Variants in AP1S1 observed in about 807,000 individuals in gnomAD.
AP1S1 encodes the protein adaptor related protein complex 1 subunit sigma 1.
Under a neutral mutation model 23.9 loss-of-function variants are expected in AP1S1, and 13 were observed. The ratio of observed to expected loss-of-function variants is 0.54; its 90% confidence interval spans 0.35 to 0.86. The LOEUF (loss-of-function observed/expected upper bound fraction) is 0.86, where lower values mean the gene tolerates loss of function less well. Among genes scored for constraint, AP1S1 ranks in the 40% least tolerant of loss-of-function variants. The probability of loss-of-function intolerance (pLI) is 0.01; values close to 1 mark genes in which losing one functional copy is unlikely to be tolerated. For missense variants in AP1S1, 119 were observed against 197.6 expected (o/e 0.60, Z 2.38); for synonymous variants, 84 against 77.7 (o/e 1.08, Z -0.43).
At chr7:101,157,101 G>A (rs1326217440) in intron 2 of AP1S1, among the ~76,000 whole-genome samples, 1 of 152,002 alleles carries the variant, frequency 6.6e-6, no homozygotes, top group Admixed American at 6.6e-5. Context: ...CACCCTTTCC[G>A]GTTCCTTCTC....
chr7:101,156,048 A>G (rs1205511272), intron 1 of AP1S1, among the ~76,000 whole-genome samples: 2 of 152,124 alleles, frequency 1.3e-5, no homozygotes, highest in African/African-American at 2.4e-5. Flanking sequence ...CCTGGCCAAC[A>G]TGGTGAAACC....
In AP1S1 at chr7:101,154,794, C is replaced by A. The variant is rs894355391; in HGVS notation, c.3+277C>A. The A allele has an allele frequency of 1.6e-5, 12 of 770,520 alleles. No homozygotes were observed. In the East Asian group the frequency reaches 3.5e-4, roughly 22 times the overall value. 47.7% of individuals were successfully genotyped at this position (770,520 alleles called of 1,614,324 possible). A position where few individuals can be genotyped will look rare whatever the true frequency, so the allele number is the denominator to read the frequency against. On this transcript the variant is annotated intron_variant, in intron 1 of 4. Coordinates refer to ENST00000337619, the MANE Select transcript of AP1S1 (RefSeq NM_001283.5). ...GCCGGGAGGGGCGCTCTGGTCTTGG[C>A]CCCTGGGGTCCCTCGATCCCCGCTG...
In AP1S1 at chr7:101,157,362, C is replaced by G. The variant is rs762082176; in HGVS notation, c.183-15C>G. 1 of 1,545,628 alleles carries G rather than the reference C, an allele frequency of 6.5e-7. No individual in the cohort carries two copies. The highest frequency in any genetic ancestry group is 1.4e-5 in the African/African-American group (1 of 73,098). On this transcript the variant is annotated splice_polypyrimidine_tract_variant and intron_variant, in intron 2 of 4. Coordinates refer to ENST00000337619, the MANE Select transcript of AP1S1 (RefSeq NM_001283.5). Reference sequence around the variant, plus strand: ...AGCAAGCTTGTAGCGATGTCTCATGCGCTCCTCTCCGCAGATATGCCAGCC... The same window carrying G: ...AGCAAGCTTGTAGCGATGTCTCATGGGCTCCTCTCCGCAGATATGCCAGCC...
At position 101,159,986 on chromosome 7, in the gene AP1S1, G is replaced by GCACA. The variant is rs914455706; in HGVS notation, c.430-514_430-511dup. ...CACGCACACACACACACCCTGGCGCGCACACACACACACACACACACATGC... is the reference window on the plus strand; with the variant it reads ...CACGCACACACACACACCCTGGCGCGCACACACACACACACACACACACACATGC... On this transcript the variant is annotated intron_variant, in intron 4 of 4. Transcript: ENST00000337619. 1.2e-3 allele frequency among the ~76,000 whole-genome samples: 169 copies of GCACA among 144,486 alleles called. 1 individual carries two copies. The highest frequency in any genetic ancestry group is 4.1e-3 in the African/African-American group (161 of 39,422). The allele number at this position is 144,486 out of a possible 152,430, so 94.8% of individuals were successfully genotyped here.
chr7:101,160,645 G>C lies in AP1S1; in HGVS notation c.*79G>C. The stretch of plus-strand genomic sequence containing the variant: ...CTGCTTCTCCTCTGCCCAGGGCCCT[G>C]TTCTTGGTGGGACTCGGCTGCCCCT... On this transcript the variant is annotated 3_prime_UTR_variant, in exon 5 of 5. Transcript: ENST00000337619. 1.3e-6 allele frequency: 2 copies of C among 1,535,418 alleles called. No individual in the cohort carries two copies. The highest frequency in any genetic ancestry group is 1.8e-6 in the Non-Finnish European group (2 of 1,121,918).
intron 3 of AP1S1, among the ~76,000 whole-genome samples, 181 bp downstream of exon 3, chr7:101,157,666 G>A (rs1797014655): frequency 1.3e-5 from 2 of 152,190 alleles, no homozygotes; most frequent in African/African-American, 2.4e-5. Flanking sequence ...TCCCATAATC[G>A]TCCCTGAGTG....
chr7:101,156,269 C>A, intron 1 of AP1S1: 1 of 195,628 alleles, frequency 5.1e-6, no homozygotes, highest in Non-Finnish European at 1.0e-5. Context: ...GTTATACTGC[C>A]TGCCTGTGCT....
At chr7:101,154,609 C>T in intron 1 of AP1S1, 92 bp downstream of exon 1, 3 of 1,510,162 alleles carry the variant, frequency 2.0e-6, no homozygotes, top group Admixed American at 2.0e-5. Context: ...GGTGAACCGC[C>T]CTGTCTTCCC....
In AP1S1 at chr7:101,156,823, G is replaced by A; in HGVS notation, c.182+51G>A. On this transcript the variant is annotated intron_variant, in intron 2 of 4. Coordinates refer to ENST00000337619, the MANE Select transcript of AP1S1 (RefSeq NM_001283.5). ...TGCCTAGATTCAAGTTGGGCAGTGG[G>A]TTAAAATGTCTGAGAAATGGTCGTC... is the stretch of plus-strand genomic sequence containing the variant. 8 of 1,429,426 alleles carry A rather than the reference G, an allele frequency of 5.6e-6. No individual in the cohort carries two copies. The South Asian group carries it at 1.3e-4, about 23-fold the overall frequency. 88.5% of individuals were successfully genotyped at this position (1,429,426 alleles called of 1,614,324 possible). A position where few individuals can be genotyped will look rare whatever the true frequency, so the allele number is the denominator to read the frequency against.
In AP1S1 at chr7:101,160,841, T is replaced by A; in HGVS notation, c.*275T>A. The A allele has an allele frequency of 1.5e-6, 1 of 654,866 alleles. No homozygotes were observed. The highest frequency in any genetic ancestry group is 2.8e-6 in the Non-Finnish European group (1 of 354,602). The allele number at this position is 654,866 out of a possible 1,614,324, so 40.6% of individuals were successfully genotyped here. A position where few individuals can be genotyped will look rare whatever the true frequency, so the allele number is the denominator to read the frequency against. On this transcript the variant is annotated 3_prime_UTR_variant, in exon 5 of 5. Transcript: ENST00000337619. ...CTATTTGGCTTTTATTCCCTGCCTT[T>A]GCAGAACTGATGTCACCCCAGATGT...
Position 101,157,370 on chromosome 7 carries a change from T to G in AP1S1, c.183-7T>G. Reference sequence around the variant, plus strand: ...TGTAGCGATGTCTCATGCGCTCCTCTCCGCAGATATGCCAGCCTCTACTTC... The same window carrying G: ...TGTAGCGATGTCTCATGCGCTCCTCGCCGCAGATATGCCAGCCTCTACTTC... On this transcript the variant is annotated splice_region_variant and splice_polypyrimidine_tract_variant and intron_variant, in intron 2 of 4. Transcript: ENST00000337619. 1 of 1,558,778 alleles carries G rather than the reference T, an allele frequency of 6.4e-7. No homozygotes were observed. Among genetic ancestry groups the G allele is most frequent in the Non-Finnish European group, 8.7e-7 (1 of 1,150,646 alleles).
chr7:101,156,886 G>T lies in AP1S1; in HGVS notation c.182+114G>T, dbSNP rs1055168807. 7.0e-6 allele frequency: 6 copies of T among 856,504 alleles called. No individual in the cohort carries two copies. In the Admixed American group the frequency reaches 1.1e-4, roughly 15 times the overall value. 53.1% of individuals were successfully genotyped at this position (856,504 alleles called of 1,614,324 possible). On this transcript the variant is annotated intron_variant, in intron 2 of 4. Coordinates refer to ENST00000337619, the MANE Select transcript of AP1S1 (RefSeq NM_001283.5). ...GAGACCTGGGAGCTGAGGACATCTG[G>T]AGGACAGTAATGAATGTCAGCTTCC... is the stretch of plus-strand genomic sequence containing the variant.
rs906873869 is a variant in AP1S1, at chr7:101,154,514, G to T, written c.-1G>T. ...GGACGCGCCGAGCCGGAGGCTGCAGGATGGTAGGCTGTGCGAAGAGGGAGG... is the reference window on the plus strand; with the variant it reads ...GGACGCGCCGAGCCGGAGGCTGCAGTATGGTAGGCTGTGCGAAGAGGGAGG... On this transcript the variant is annotated 5_prime_UTR_variant, in exon 1 of 5. Transcript: ENST00000337619. The T allele has an allele frequency of 1.3e-6, 2 of 1,573,192 alleles. No homozygotes were observed. The highest frequency in any genetic ancestry group is 1.7e-6 in the Non-Finnish European group (2 of 1,159,926).
intron 1 of AP1S1, chr7:101,156,336 A>G: frequency 2.4e-6 from 1 of 417,964 alleles, no homozygotes; most frequent in Non-Finnish European, 4.3e-6. Flanking sequence ...CAAGGCAGGT[A>G]CAATGTCCAT....
At chr7:101,160,345 G>A (rs1446689162) in intron 4 of AP1S1, among the ~76,000 whole-genome samples, 174 bp from the exon 5 acceptor site, 6 of 152,136 alleles carry the variant, frequency 3.9e-5, no homozygotes, top group African/African-American at 1.2e-4. Context: ...CTGGGAGGCT[G>A]GTGGGTGCCC....
At chr7:101,156,017 G>A (rs1023099925) in intron 1 of AP1S1, among the ~76,000 whole-genome samples, 3 of 152,114 alleles carry the variant, frequency 2.0e-5, no homozygotes, top group Admixed American at 6.6e-5. Context: ...ATCACCTGAG[G>A]TCGGGAGTTC....
At chr7:101,160,481 G>T in intron 4 of AP1S1, 38 bp from the exon 5 acceptor site, 1 of 1,607,192 alleles carries the variant, frequency 6.2e-7, no homozygotes. Context: ...GGCCTCTCCT[G>T]GTGTCTCTGC....
chr7:101,154,557 G>A, intron 1 of AP1S1, 40 bp downstream of exon 1: 1 of 1,553,770 alleles, frequency 6.4e-7, no homozygotes, highest in South Asian at 1.2e-5. Context: ...GAAGCGAGGG[G>A]CGTGGGCTGC....
chr7:101,158,683 C>A (rs1450326622), intron 3 of AP1S1, among the ~76,000 whole-genome samples: 1 of 152,196 alleles, frequency 6.6e-6, no homozygotes, highest in Non-Finnish European at 1.5e-5. Context: ...AGGTGGGTCA[C>A]TTGAGGCCAG....
Sources: allele counts gnomAD v4.1 joint callset (sites outside exome capture counted in the v4.1 genomes callset), GRCh38; gene constraint gnomAD v4.1.1; transcripts MANE v1.5; gene names NCBI Gene and HGNC (gene_info 2026-07-23, HGNC 2026-07-21).